TEX14: variants seen among roughly 807,000 people sequenced by gnomAD.
TEX14 encodes testis expressed 14, intercellular bridge forming factor.
A neutral mutation model predicts 178.6 loss-of-function variants in TEX14; 168 were observed. The observed-to-expected ratio is 0.94, with a 90% CI of 0.83 to 1.07. The LOEUF (loss-of-function observed/expected upper bound fraction) is 1.07, where lower values mean the gene tolerates loss of function less well. TEX14 is among the 50% of genes least tolerant of loss of function. The pLI, the probability that TEX14 is intolerant of heterozygous loss-of-function variation, is 0.00. For synonymous variants in TEX14, 626 were observed against 634.1 expected (o/e 0.99, Z 0.19); for missense variants, 1,730 against 1,753.6 (o/e 0.99, Z 0.24).
intron 8 of TEX14, 65 bp from the exon 9 acceptor site, chr17:58,613,609 A>C: frequency 6.5e-7 from 1 of 1,542,166 alleles, no homozygotes; most frequent in Non-Finnish European, 8.9e-7. Context: ...AAATGAGCGT[A>C]GGCCTTTTGA....
intron 2 of TEX14, among the ~76,000 whole-genome samples, chr17:58,639,579 A>G (rs570069372): frequency 1.3e-3 from 192 of 152,142 alleles, no homozygotes; most frequent in Non-Finnish European, 2.4e-3. Context: ...ACATACCTGT[A>G]ATCCCAGCTA....
At chr17:58,659,399 C>G in intron 1 of TEX14, 1 of 820,974 alleles carries the variant, frequency 1.2e-6, no homozygotes, top group Non-Finnish European at 1.5e-6. Context: ...GGCATCGCTT[C>G]GAAACTACCG....
intron 1 of TEX14, among the ~76,000 whole-genome samples, chr17:58,673,299 C>T (rs1008250835): frequency 1.9e-4 from 29 of 150,768 alleles, no homozygotes; most frequent in Non-Finnish European, 3.4e-4. Flanking sequence ...GCCAATATGG[C>T]GAAACCATAA....
chr17:58,593,702 A>T, intron 14 of TEX14, 41 bp from the exon 15 acceptor site: 1 of 1,469,900 alleles, frequency 6.8e-7, no homozygotes, highest in Non-Finnish European at 9.5e-7. Context: ...TTGATGAGAG[A>T]ATTCCCACTC....
At chr17:58,606,049 A>C (rs2045599357) in intron 10 of TEX14, among the ~76,000 whole-genome samples, 1 of 152,134 alleles carries the variant, frequency 6.6e-6, no homozygotes, top group Non-Finnish European at 1.5e-5. Flanking sequence ...CCAACTCCTC[A>C]TGATTATTTC....
At chr17:58,640,906 G>A (rs2046559232) in intron 2 of TEX14, among the ~76,000 whole-genome samples, 2 of 151,938 alleles carry the variant, frequency 1.3e-5, no homozygotes, top group African/African-American at 2.4e-5. Flanking sequence ...TTTTTGTAGA[G>A]ACAAGTTTTC....
chr17:58,593,571 T>A lies in TEX14; in HGVS notation c.2560A>T (p.Ile854Phe), dbSNP rs561963166. The A allele has an allele frequency of 1.2e-6, 2 of 1,613,900 alleles. No individual in the cohort carries two copies. The highest frequency in any genetic ancestry group is 4.5e-5 in the East Asian group (2 of 44,884). The change falls in exon 15 of 32, where the codon ATC (isoleucine) becomes TTC (phenylalanine). Residue 854 changes from isoleucine (I) to phenylalanine (F), a missense_variant. By Grantham distance (21) the Ile-to-Phe change is conservative (BLOSUM62 0). Around this residue, in one of 2 missense-constraint regions of TEX14, gnomAD observed 941 missense variants for 1,072.4 expected, o/e 0.88. Coordinates refer to ENST00000349033, the MANE Select transcript of TEX14 (RefSeq NM_031272.5). ...TTGACCCACCTACTGGTATTTTGGATCCTGCTTGTTTCCAAACTGTCCTTG... is the reference window on the plus strand; with the variant it reads ...TTGACCCACCTACTGGTATTTTGGAACCTGCTTGTTTCCAAACTGTCCTTG... ...GAKDSLETSR[I>F]QNTSSQGRPR...
chr17:58,653,953 G>A (rs938123240), intron 1 of TEX14, among the ~76,000 whole-genome samples: 4 of 152,112 alleles, frequency 2.6e-5, no homozygotes, highest in East Asian at 1.9e-4. Flanking sequence ...AGGCCGAGGC[G>A]GGCGGATCAC....
At chr17:58,635,060 A>G (rs955055177) in intron 2 of TEX14, among the ~76,000 whole-genome samples, 3 of 151,814 alleles carry the variant, frequency 2.0e-5, no homozygotes, top group Non-Finnish European at 4.4e-5. Context: ...GGAACCCGGA[A>G]GGTGGAAGTT....
At chr17:58,667,453 C>G (rs1362894724) in intron 1 of TEX14, among the ~76,000 whole-genome samples, 2 of 152,134 alleles carry the variant, frequency 1.3e-5, no homozygotes, top group African/African-American at 4.8e-5. Context: ...AATAAAAACC[C>G]TAAAGCAAAC....
intron 14 of TEX14, among the ~76,000 whole-genome samples, chr17:58,598,482 T>G (rs2045346701): frequency 6.6e-6 from 1 of 152,142 alleles, no homozygotes; most frequent in Admixed American, 6.6e-5. Context: ...TACTTGACCA[T>G]TTTAACTAAT....
At chr17:58,617,043 A>C (rs2045888766) in intron 6 of TEX14, among the ~76,000 whole-genome samples, 1 of 152,174 alleles carries the variant, frequency 6.6e-6, no homozygotes, top group Admixed American at 6.5e-5. Context: ...TTGAGTCCAG[A>C]AGATGGAGAC....
In TEX14 at chr17:58,571,926, C is replaced by G. The variant is rs772253260; in HGVS notation, c.3712G>C (p.Gly1238Arg). 1 of 1,612,844 alleles carries G rather than the reference C, an allele frequency of 6.2e-7. No individual in the cohort carries two copies. Among genetic ancestry groups the G allele is most frequent in the African/African-American group, 1.3e-5 (1 of 74,872 alleles). The change falls in exon 24 of 32, where the codon GGT (glycine) becomes CGT (arginine). Residue 1238 changes from glycine (G) to arginine (R), a missense_variant. Coordinates refer to ENST00000349033, the MANE Select transcript of TEX14 (RefSeq NM_031272.5). ...SSETPPSRLT[G>R]LKRLSSFIGA... The stretch of plus-strand genomic sequence containing the variant: ...CGTGGAATTGATATACTTACAAGAC[C>G]AGTCAGTCTTGAAGGGGGAGTTTCA...
chr17:58,648,057 C>G (rs1000636785), intron 2 of TEX14: 1 of 152,274 alleles, frequency 6.6e-6, no homozygotes, highest in African/African-American at 2.4e-5. Context: ...GTTAATTCTC[C>G]TCCTTGCTTC....
chr17:58,674,435 C>G (rs1341290728), intron 1 of TEX14, among the ~76,000 whole-genome samples: 3 of 152,038 alleles, frequency 2.0e-5, no homozygotes, highest in Non-Finnish European at 4.4e-5. Flanking sequence ...TACAGGAGGC[C>G]AAGGTGGACA....
At chr17:58,647,070 TTA>T (rs2046726853) in intron 2 of TEX14, among the ~76,000 whole-genome samples, 1 of 151,918 alleles carries the variant, frequency 6.6e-6, no homozygotes, top group Non-Finnish European at 1.5e-5. Flanking sequence ...CATGCCTATT[TTA>T]TGTTTTTAGT....
chr17:58,635,616 T>C (rs146049662), intron 2 of TEX14, among the ~76,000 whole-genome samples: 1 of 152,008 alleles, frequency 6.6e-6, no homozygotes, highest in African/African-American at 2.4e-5. Flanking sequence ...TGTTAATAGA[T>C]ACAGGGTTTC....
intron 15 of TEX14, among the ~76,000 whole-genome samples, chr17:58,590,993 A>G: frequency 6.6e-6 from 1 of 152,116 alleles, no homozygotes; most frequent in Non-Finnish European, 1.5e-5. Context: ...TAAGCACACA[A>G]AAAGACTAGA....
At chr17:58,675,995 G>A (rs537329782) in intron 1 of TEX14, among the ~76,000 whole-genome samples, 14 of 152,162 alleles carry the variant, frequency 9.2e-5, no homozygotes, top group African/African-American at 2.4e-4. Context: ...ATCCCAGCAC[G>A]TTGGGAGGCT....
Sources: gnomAD v4.1 joint callset for allele counts (sites outside exome capture counted in the v4.1 genomes callset) on GRCh38, gnomAD v4.1.1 for gene constraint, gnomAD v4.1.1 regional missense constraint, MANE v1.5 for transcripts, NCBI Gene and HGNC (gene_info 2026-07-23, HGNC 2026-07-21) for gene names.